Variants in PLD2 observed in about 807,000 individuals in gnomAD.
PLD2 encodes phospholipase D2.
A neutral mutation model predicts 119.8 loss-of-function variants in PLD2; 101 were observed. That is an observed-to-expected ratio of 0.84 (90% confidence interval 0.72 to 0.99). The LOEUF (loss-of-function observed/expected upper bound fraction) is 0.99, where lower values mean the gene tolerates loss of function less well. Among genes scored for constraint, PLD2 ranks in the 50% least tolerant of loss-of-function variants. PLD2 has a pLI of 0.00. For missense variants in PLD2, 1,164 were observed against 1,226.8 expected (o/e 0.95, Z 0.76); for synonymous variants, 494 against 482.8 (o/e 1.02, Z -0.30).
rs1289685648 is a variant in PLD2, at chr17:4,822,967, G to A, written c.*103G>A. On this transcript the variant is annotated 3_prime_UTR_variant, in exon 25 of 25. Transcript: ENST00000263088. ...CTGAGGGCAGTGCCCTTTGAGATCTGGGGAGGCAGGCATTCCTGAAGGGAA... is the reference window on the plus strand; with the variant it reads ...CTGAGGGCAGTGCCCTTTGAGATCTAGGGAGGCAGGCATTCCTGAAGGGAA... The A allele has an allele frequency of 1.5e-6, 1 of 658,802 alleles. No homozygotes were observed. Among genetic ancestry groups the A allele is most frequent in the Non-Finnish European group, 2.7e-6 (1 of 377,330 alleles). The allele number at this position is 658,802 out of a possible 1,614,324, so 40.8% of individuals were successfully genotyped here. A position where few individuals can be genotyped will look rare whatever the true frequency, so the allele number is the denominator to read the frequency against.
Position 4,808,704 on chromosome 17 carries a change from G to A in PLD2, c.383+288G>A, listed in dbSNP as rs1597319763. 6.6e-6 allele frequency among the ~76,000 whole-genome samples: 1 copy of A among 152,112 alleles called. No homozygotes were observed. Among genetic ancestry groups the A allele is most frequent in the East Asian group, 1.9e-4 (1 of 5,162 alleles). On this transcript the variant is annotated intron_variant, in intron 4 of 24. Transcript: ENST00000263088. This position sits in a 1 kb window ranked among gnomAD's most constrained non-coding sequence, Gnocchi z 4.1. ...CGTTTTGCCAGCCTCTAGGCCTTTT[G>A]TTTGTTTTTTGTTTTTGTTTTGTAC...
intron 14 of PLD2, 30 bp from the exon 15 acceptor site, chr17:4,816,583 TCCCCTTG>T (rs1384964819): frequency 2.5e-6 from 4 of 1,610,664 alleles, no homozygotes; most frequent in Non-Finnish European, 3.4e-6. Flanking sequence ...CCCCATGACT[TCCCCTTG>T]CCCCTGGCTT....
rs1907442233 is a variant in PLD2 at position 4,819,650 on chromosome 17, G to C, written c.2462+68G>C. 4 of 1,456,194 alleles carry C rather than the reference G, an allele frequency of 2.7e-6. No homozygotes were observed. The highest frequency in any genetic ancestry group is 2.8e-6 in the Non-Finnish European group (3 of 1,067,534). The allele number at this position is 1,456,194 out of a possible 1,614,324, so 90.2% of individuals were successfully genotyped here. A position where few individuals can be genotyped will look rare whatever the true frequency, so the allele number is the denominator to read the frequency against. On this transcript the variant is annotated intron_variant, in intron 23 of 24. Transcript: ENST00000263088. This position sits in a 1 kb window ranked among gnomAD's most constrained non-coding sequence, Gnocchi z 4.2. Reference sequence around the variant, plus strand: ...GGCGTCTGCCTTTTGAGCAGGACAAGAGGTAGCACCGCATAGGTACTCCCG... The same window carrying C: ...GGCGTCTGCCTTTTGAGCAGGACAACAGGTAGCACCGCATAGGTACTCCCG...
At position 4,807,843 on chromosome 17, in the gene PLD2, C is replaced by T. The variant is rs1404278136; in HGVS notation, c.71C>T (p.Ser24Phe). ...ELDSSQLQME[S>F]DEVDTLKEGE... ...GACTCCAGCCAGCTCCAGATGGAGTCCGATGAGGTGGACACCCTGAAGGAG... is the reference window on the plus strand; with the variant it reads ...GACTCCAGCCAGCTCCAGATGGAGTTCGATGAGGTGGACACCCTGAAGGAG... Residue 24 changes from serine to phenylalanine, a missense_variant, in exon 2 of 25, where the codon TCC becomes TTC. Coordinates refer to ENST00000263088, the MANE Select transcript of PLD2 (RefSeq NM_002663.5). This position sits in a 1 kb window ranked among gnomAD's most constrained non-coding sequence, Gnocchi z 5.4. The T allele has an allele frequency of 6.2e-7, 1 of 1,613,106 alleles. No homozygotes were observed. Among genetic ancestry groups the T allele is most frequent in the African/African-American group, 1.3e-5 (1 of 74,842 alleles).
intron 24 of PLD2, 135 bp from the exon 25 acceptor site, chr17:4,822,505 A>AAT: frequency 1.7e-6 from 1 of 592,942 alleles, no homozygotes; most frequent in Non-Finnish European, 2.9e-6. Flanking sequence ...AAAAAAAAAG[A>AAT]GAGAGAGAGT....
intron 7 of PLD2, 63 bp downstream of exon 7, chr17:4,809,614 G>A: frequency 6.2e-7 from 1 of 1,608,800 alleles, no homozygotes; most frequent in African/African-American, 1.3e-5. Context: ...CTCCCTGCCT[G>A]AGATTGGGGC....
rs147367857 is a variant in PLD2, at chr17:4,821,549, G to A, written c.2463-244G>A. ...GCTGGGACTATAGGCACATGCCACCGTGCCTGGCTAATTTTTGTATTTTTT... is the reference window on the plus strand; with the variant it reads ...GCTGGGACTATAGGCACATGCCACCATGCCTGGCTAATTTTTGTATTTTTT... On this transcript the variant is annotated intron_variant, in intron 23 of 24. Transcript: ENST00000263088. The A allele has an allele frequency of 1.2e-3, 380 of 329,394 alleles. 2 individuals are homozygous for A. The highest frequency in any genetic ancestry group is 7.1e-3 in the African/African-American group (331 of 46,318). The allele number at this position is 329,394 out of a possible 1,614,324, so 20.4% of individuals were successfully genotyped here.
rs757519454 is a variant in PLD2 at position 4,810,830 on chromosome 17, C to T, written c.889C>T (p.Arg297Trp). 76 of 1,612,802 alleles carry T rather than the reference C, an allele frequency of 4.7e-5. No homozygotes were observed. The South Asian group carries it at 7.3e-4, about 15-fold the overall frequency. The change falls in exon 10 of 25, where the codon CGG becomes TGG. Residue 297 changes from arginine to tryptophan, a missense_variant. Physicochemically the swap from Arg to Trp is moderately radical, Grantham distance 101. Coordinates refer to ENST00000263088, the MANE Select transcript of PLD2 (RefSeq NM_002663.5). ...RSLILKCSSY[R>W]QARWWAQEIT... is the part of the protein sequence containing the mutation. ...CTTGATTCTCAAGTGCAGCAGCTAC[C>T]GGCAGGCACGGTGGTGGGCCCAAGA...
intron 10 of PLD2, 65 bp from the exon 11 acceptor site, chr17:4,814,353 T>C (rs1906756960): frequency 1.3e-6 from 2 of 1,553,982 alleles, no homozygotes; most frequent in Non-Finnish European, 8.7e-7. Flanking sequence ...TGTCCTCCGG[T>C]CTTCACTCTC....
chr17:4,809,193 A>G lies in PLD2; in HGVS notation c.477A>G (p.Ala159=), dbSNP rs772733496. 2.2e-5 allele frequency: 35 copies of G among 1,613,994 alleles called. No individual in the cohort carries two copies. Among genetic ancestry groups the G allele is most frequent in the Non-Finnish European group, 2.8e-5 (33 of 1,179,988 alleles). The change falls in exon 5 of 25, where the codon GCA becomes GCG. Residue 159 remains alanine, a synonymous_variant. Coordinates refer to ENST00000263088, the MANE Select transcript of PLD2 (RefSeq NM_002663.5). The part of the protein sequence containing the change: ...RAGPEGSTRH[A]ASKQKYLENY... ...GTCCTGAGGGCTCCACCAGACATGC[A>G]GCCAGCAAACAGGTGGGACCAGATG... is the stretch of plus-strand genomic sequence containing the variant.
chr17:4,807,488 T>G lies in PLD2; in HGVS notation c.-2+263T>G. 3.5e-6 allele frequency: 1 copy of G among 289,636 alleles called. No homozygotes were observed. Among genetic ancestry groups the G allele is most frequent in the Non-Finnish European group, 6.6e-6 (1 of 150,984 alleles). 17.9% of individuals were successfully genotyped at this position (289,636 alleles called of 1,614,324 possible). ...CGCGCAGCTGCTGCGCCGCCCCAGGTCGGAGCCTTCCGGGCCTGGCTGGGT... is the reference window on the plus strand; with the variant it reads ...CGCGCAGCTGCTGCGCCGCCCCAGGGCGGAGCCTTCCGGGCCTGGCTGGGT... On this transcript the variant is annotated intron_variant, in intron 1 of 24. Transcript: ENST00000263088. This position sits in a 1 kb window ranked among gnomAD's most constrained non-coding sequence, Gnocchi z 5.4.
rs372058521 is a variant in PLD2, at chr17:4,818,616, C to T, written c.2123+9C>T. The T allele has an allele frequency of 6.3e-7, 1 of 1,598,814 alleles. No homozygotes were observed. Among genetic ancestry groups the T allele is most frequent in the South Asian group, 1.1e-5 (1 of 90,814 alleles). On this transcript the variant is annotated intron_variant, in intron 20 of 24. Coordinates refer to ENST00000263088, the MANE Select transcript of PLD2 (RefSeq NM_002663.5). ...CTGCACTTTACTTACAGGTGACCCC[C>T]CAGGCGGACTCCAGCTCTCAGTGGC...
At chr17:4,814,394 C>A (rs1906761802) in intron 10 of PLD2, 24 bp from the exon 11 acceptor site, 3 of 1,597,812 alleles carry the variant, frequency 1.9e-6, no homozygotes, top group African/African-American at 1.3e-5. Context: ...CTCCCCTGAC[C>A]TCCTTGGCTT....
At position 4,807,835 on chromosome 17, in the gene PLD2, G is replaced by C; in HGVS notation, c.63G>C (p.Gln21His). The change falls in exon 2 of 25, where the codon CAG becomes CAC. Residue 21 changes from glutamine (Q) to histidine (H), a missense_variant. By Grantham distance (24) the Gln-to-His change is conservative. Transcript: ENST00000263088. The surrounding 1 kb of genome is among the most constrained non-coding windows in gnomAD (Gnocchi z 5.4). ...TGDELDSSQL[Q>H]MESDEVDTLK... ...ACGAACTGGACTCCAGCCAGCTCCA[G>C]ATGGAGTCCGATGAGGTGGACACCC... 1 of 1,613,382 alleles carries C rather than the reference G, an allele frequency of 6.2e-7. No homozygotes were observed. Among genetic ancestry groups the C allele is most frequent in the Admixed American group, 1.7e-5 (1 of 59,982 alleles).
chr17:4,817,094 G>C, intron 16 of PLD2, 39 bp downstream of exon 16: 1 of 1,606,548 alleles, frequency 6.2e-7, no homozygotes, highest in Non-Finnish European at 8.5e-7. Flanking sequence ...GGTAGGGAGG[G>C]AGCCAGGGCA....
chr17:4,817,064 T>C lies in PLD2; in HGVS notation c.1701+9T>C, dbSNP rs1478933723. On this transcript the variant is annotated intron_variant, in intron 16 of 24. Coordinates refer to ENST00000263088, the MANE Select transcript of PLD2 (RefSeq NM_002663.5). The stretch of plus-strand genomic sequence containing the variant: ...GCTGGAACTTCACCAAGGTGTTCAT[T>C]CCCTCCGATAGGGGCTGGAGGTAGG... 1 of 1,611,882 alleles carries C rather than the reference T, an allele frequency of 6.2e-7. No individual in the cohort carries two copies. Among genetic ancestry groups the C allele is most frequent in the East Asian group, 2.2e-5 (1 of 44,842 alleles).
chr17:4,814,986 C>G (rs182828008), intron 12 of PLD2, among the ~76,000 whole-genome samples: 4 of 152,256 alleles, frequency 2.6e-5, no homozygotes, highest in Non-Finnish European at 4.4e-5. Context: ...ACATGTCTAT[C>G]TCTCTCACTG....
At position 4,817,035 on chromosome 17, in the gene PLD2, C is replaced by T. The variant is rs1329528932; in HGVS notation, c.1681C>T (p.Gln561Ter). 6.2e-7 allele frequency: 1 copy of T among 1,613,716 alleles called. No individual in the cohort carries two copies. The highest frequency in any genetic ancestry group is 2.2e-5 in the East Asian group (1 of 44,888). ...CCGGGACCTTGCCCGGCACTTCATC[C>T]AGCGCTGGAACTTCACCAAGGTGTT... The part of the protein sequence containing the change: ...PARDLARHFI[Q>*]RWNFTKTTKA... The change falls in exon 16 of 25, where the codon CAG (glutamine) becomes TAG (stop). Residue 561 changes from glutamine (Q) to a stop codon, truncating the protein, a stop_gained. Transcript: ENST00000263088. LOFTEE classifies it high-confidence loss of function.
chr17:4,823,042 C>T lies in PLD2; in HGVS notation c.*178C>T. The stretch of plus-strand genomic sequence containing the variant: ...ACGTGAGAAATAGCTGAAAAGGGCA[C>T]TCCCAACCCTGGGCTGGGGAGGAGG... On this transcript the variant is annotated 3_prime_UTR_variant, in exon 25 of 25. Coordinates refer to ENST00000263088, the MANE Select transcript of PLD2 (RefSeq NM_002663.5). 1.7e-6 allele frequency: 1 copy of T among 578,040 alleles called. No individual in the cohort carries two copies. The highest frequency in any genetic ancestry group is 3.1e-6 in the Non-Finnish European group (1 of 324,372). 35.8% of individuals were successfully genotyped at this position (578,040 alleles called of 1,614,324 possible).
Sources: allele counts gnomAD v4.1 joint callset (sites outside exome capture counted in the v4.1 genomes callset), GRCh38; gene constraint gnomAD v4.1.1; non-coding constraint Gnocchi (gnomAD v3.1); transcripts MANE v1.5; gene names NCBI Gene and HGNC (gene_info 2026-07-23, HGNC 2026-07-21).